Variants in STK33 observed in about 807,000 individuals in gnomAD.
STK33 encodes serine/threonine kinase 33.
A neutral mutation model predicts 58.0 loss-of-function variants in STK33; 52 were observed. That is an observed-to-expected ratio of 0.90 (90% CI 0.72 to 1.13). The LOEUF is 1.13. Ranked by LOEUF, STK33 falls within the 50% of genes most tolerant of loss-of-function variation. The pLI, the probability that STK33 is intolerant of heterozygous loss-of-function variation, is 0.00. For synonymous variants in STK33, 215 were observed against 200.1 expected (o/e 1.07, Z -0.63); for missense variants, 630 against 604.2 (o/e 1.04, Z -0.45).
chr11:8,395,351 C>T (rs953086546), intron 15 of STK33, among the ~76,000 whole-genome samples: 1 of 152,196 alleles, frequency 6.6e-6, no homozygotes, highest in Admixed American at 6.5e-5. Context: ...ATTCTCTTGC[C>T]TGCTGCCACC....
At chr11:8,423,787 G>C (rs1590937220) in intron 14 of STK33, among the ~76,000 whole-genome samples, 1 of 151,984 alleles carries the variant, frequency 6.6e-6, no homozygotes, top group East Asian at 1.9e-4. Flanking sequence ...CAGTAGTTGA[G>C]AGAAGTGCAT....
chr11:8,539,402 T>G (rs1287945355), intron 1 of STK33, among the ~76,000 whole-genome samples: 8 of 152,068 alleles, frequency 5.3e-5, no homozygotes, highest in African/African-American at 1.9e-4. Context: ...AGTGATCGTT[T>G]AAGAATCAGT....
At chr11:8,496,265 A>G (rs1317045603) in intron 1 of STK33, among the ~76,000 whole-genome samples, 1 of 152,210 alleles carries the variant, frequency 6.6e-6, no homozygotes, top group Non-Finnish European at 1.5e-5. Flanking sequence ...CTCTAATTTA[A>G]CTTTGCCATA....
At chr11:8,558,557 T>C (rs1329125853) in intron 1 of STK33, among the ~76,000 whole-genome samples, 1 of 152,172 alleles carries the variant, frequency 6.6e-6, no homozygotes, top group African/African-American at 2.4e-5. Context: ...CTGTAGTTTT[T>C]GAATTAATCA....
chr11:8,471,633 A>T (rs999806853), intron 6 of STK33, among the ~76,000 whole-genome samples: 1 of 152,174 alleles, frequency 6.6e-6, no homozygotes. Flanking sequence ...AAATATTTAA[A>T]ATGAGTATAT....
chr11:8,545,275 G>C (rs2140423744), intron 1 of STK33, among the ~76,000 whole-genome samples: 1 of 152,262 alleles, frequency 6.6e-6, no homozygotes, highest in Non-Finnish European at 1.5e-5. Context: ...CAACCAGTGA[G>C]GGTGTTGATT....
At chr11:8,395,322 G>A (rs953335775) in intron 15 of STK33, among the ~76,000 whole-genome samples, 1 of 152,150 alleles carries the variant, frequency 6.6e-6, no homozygotes, top group Non-Finnish European at 1.5e-5. Flanking sequence ...GTTTTATAAA[G>A]GGCAGTTCCC....
intron 1 of STK33, among the ~76,000 whole-genome samples, chr11:8,547,892 C>G (rs1049068617): frequency 2.6e-5 from 4 of 151,944 alleles, no homozygotes; most frequent in African/African-American, 9.7e-5. Context: ...AACCATCATT[C>G]TGAGCAAACT....
At chr11:8,427,210 C>T (rs1942876692) in intron 14 of STK33, among the ~76,000 whole-genome samples, 1 of 152,080 alleles carries the variant, frequency 6.6e-6, no homozygotes, top group South Asian at 2.1e-4. Flanking sequence ...TAATCATTCC[C>T]TTTAATATGA....
intron 1 of STK33, among the ~76,000 whole-genome samples, chr11:8,552,256 T>C (rs768488303): frequency 6.6e-6 from 1 of 152,232 alleles, no homozygotes; most frequent in Non-Finnish European, 1.5e-5. Context: ...TCATGGCTTA[T>C]CTCGATCCTG....
rs887475356 is a variant in STK33 at position 8,403,327 on chromosome 11, C to G, written c.1344+10168G>C. Among the ~76,000 whole-genome samples the G allele has an allele frequency of 4.6e-5, 7 of 152,254 alleles. No homozygotes were observed. The East Asian group carries it at 1.2e-3, about 25-fold the overall frequency. The stretch of plus-strand genomic sequence containing the variant: ...GAATTCGTACCTGAAACACTGCAAC[C>G]AGCTTGAACAGATATAAAGGGACCA... On this transcript the variant is annotated intron_variant, in intron 15 of 15. Transcript: ENST00000687296.
chr11:8,430,677 T>C (rs747677800), intron 14 of STK33, among the ~76,000 whole-genome samples: 4 of 152,130 alleles, frequency 2.6e-5, no homozygotes, highest in Admixed American at 2.6e-4. Context: ...CTACCCGTGT[T>C]TTTGTTTTAA....
intron 1 of STK33, among the ~76,000 whole-genome samples, chr11:8,493,587 A>G (rs796069971): frequency 2.6e-5 from 4 of 152,240 alleles, no homozygotes; most frequent in South Asian, 2.1e-4. Context: ...ATCCTCCCTA[A>G]CTCATTTTAT....
chr11:8,400,490 A>G (rs1231726985), intron 15 of STK33, among the ~76,000 whole-genome samples: 2 of 152,228 alleles, frequency 1.3e-5, no homozygotes, highest in Non-Finnish European at 2.9e-5. Context: ...AGAGCTATCT[A>G]TGACAAACCC....
At chr11:8,446,236 AT>A (rs1177732273) in intron 11 of STK33, among the ~76,000 whole-genome samples, 1 of 150,284 alleles carries the variant, frequency 6.7e-6, no homozygotes, top group African/African-American at 2.5e-5. Flanking sequence ...CCTCTTTACC[AT>A]TTTTTATTGT....
chr11:8,479,005 G>A (rs1480882621), intron 2 of STK33, among the ~76,000 whole-genome samples: 1 of 152,104 alleles, frequency 6.6e-6, no homozygotes, highest in African/African-American at 2.4e-5. Flanking sequence ...TTAAATGTTT[G>A]AGTGATGTTT....
At position 8,435,524 on chromosome 11, in the gene STK33, A is replaced by G. The variant is rs1190685456; in HGVS notation, c.1116T>C (p.Ala372=). The change falls in exon 14 of 16, where the codon GCT becomes GCC. Residue 372 remains alanine, a synonymous_variant. Transcript: ENST00000687296. ...ACCACTGGTTATCTAGTAGTTCCTT[A>G]GCTGTGATTCTGTGAGCAGGATCTA... ...MKVDPAHRIT[A]KELLDNQWLT... is the part of the protein sequence containing the mutation. 6.6e-7 allele frequency: 1 copy of G among 1,520,244 alleles called. No homozygotes were observed. The highest frequency in any genetic ancestry group is 1.4e-5 in the South Asian group (1 of 72,336). 94.2% of individuals were successfully genotyped at this position (1,520,244 alleles called of 1,614,324 possible). A position where few individuals can be genotyped will look rare whatever the true frequency, so the allele number is the denominator to read the frequency against.
chr11:8,524,210 T>C (rs1033609490), intron 1 of STK33, among the ~76,000 whole-genome samples: 2 of 151,972 alleles, frequency 1.3e-5, no homozygotes, highest in Non-Finnish European at 2.9e-5. Context: ...CCTAGGAAAA[T>C]CAGAGACCCT....
chr11:8,538,967 T>A (rs2140296959), intron 1 of STK33, among the ~76,000 whole-genome samples: 1 of 152,288 alleles, frequency 6.6e-6, no homozygotes, highest in South Asian at 2.1e-4. Context: ...AAGAAGGATG[T>A]CTAAAAATAA....
Sources: gnomAD v4.1 joint callset for allele counts (sites outside exome capture counted in the v4.1 genomes callset) on GRCh38, gnomAD v4.1.1 for gene constraint, MANE v1.5 for transcripts, NCBI Gene and HGNC (gene_info 2026-07-23, HGNC 2026-07-21) for gene names.